The following PRKD2 variants were observed in gnomAD, a reference collection of about 807,000 sequenced individuals.
PRKD2 encodes the protein serine/threonine-protein kinase D2.
In PRKD2, 22 loss-of-function variants were observed where a neutral mutation model predicts 86.0. That is an observed-to-expected ratio of 0.26 (90% confidence interval 0.18 to 0.37). The LOEUF (loss-of-function observed/expected upper bound fraction) is 0.37, where lower values mean the gene tolerates loss of function less well. PRKD2 is among the 10% of genes least tolerant of loss of function. The pLI, the probability that PRKD2 is intolerant of heterozygous loss-of-function variation, is 1.00. For synonymous variants in PRKD2, 509 were observed against 510.9 expected, an observed-to-expected ratio of 1.00 and a Z score of 0.05; for missense variants, 818 against 1,199.2, an observed-to-expected ratio of 0.68 and a Z score of 4.70.
intron 3 of PRKD2, among the ~76,000 whole-genome samples, chr19:46,709,890 T>G (rs1435107784): frequency 6.6e-6 from 1 of 152,068 alleles, no homozygotes; most frequent in African/African-American, 2.4e-5. Context: ...CTTTTTCTTT[T>G]TATTGTTTTG....
At chr19:46,713,617 AT>A (rs199550369) in intron 2 of PRKD2, among the ~76,000 whole-genome samples, 53 of 141,748 alleles carry the variant, frequency 3.7e-4, no homozygotes, top group South Asian at 6.7e-4. Flanking sequence ...AACTCTCCTT[AT>A]TTTTTTTTTT....
chr19:46,675,131 G>A lies in PRKD2; in HGVS notation c.2339-13C>T, dbSNP rs750260999. 4.4e-6 allele frequency: 7 copies of A among 1,604,386 alleles called. No homozygotes were observed. The highest frequency in any genetic ancestry group is 1.3e-5 in the African/African-American group (1 of 74,830). ...ATGAGGTCAATGGCTGCACAGGAAA[G>A]AGAAACAGGTCAAGCCCTACAGGTC... On this transcript the variant is annotated splice_polypyrimidine_tract_variant and intron_variant, in intron 16 of 17. Coordinates refer to ENST00000291281, the MANE Select transcript of PRKD2 (RefSeq NM_016457.5).
At chr19:46,689,807 G>T in intron 13 of PRKD2, 109 bp from the exon 14 acceptor site, 1 of 1,317,722 alleles carries the variant, frequency 7.6e-7, no homozygotes, top group South Asian at 1.4e-5. Flanking sequence ...ATGTCCCTGG[G>T]GTATTGGCAC....
intron 16 of PRKD2, chr19:46,677,044 G>A (rs1294436249): frequency 6.6e-5 from 9 of 137,010 alleles, no homozygotes; most frequent in Non-Finnish European, 1.4e-4. Context: ...GTGGGTGAAA[G>A]AGCGAGACCC....
At chr19:46,708,578 T>A (rs947940511) in intron 3 of PRKD2, among the ~76,000 whole-genome samples, 19 of 152,030 alleles carry the variant, frequency 1.2e-4, no homozygotes, top group African/African-American at 4.6e-4. Flanking sequence ...CCCAAAGTGC[T>A]GGGATTATAG....
rs753891237 is a variant in PRKD2, at chr19:46,678,442, G to C, written c.2292C>G (p.Ala764=). 4.3e-6 allele frequency: 7 copies of C among 1,614,052 alleles called. No homozygotes were observed. The highest frequency in any genetic ancestry group is 3.4e-6 in the Non-Finnish European group (4 of 1,180,048). Residue 764 remains alanine (A), a synonymous_variant, in exon 16 of 18, where the codon GCC becomes GCG. Coordinates refer to ENST00000291281, the MANE Select transcript of PRKD2 (RefSeq NM_016457.5). The surrounding 1 kb of genome is among the most constrained non-coding windows in gnomAD (Gnocchi z 5.7). ...DEDINDQIQN[A]AFMYPASPWS... ...AGGGGCTGGCCGGGTACATGAAGGC[G>C]GCGTTCTGGATCTGGTCATTGATGT...
rs1308528731 is a variant in PRKD2 at position 46,674,652 on chromosome 19, G to A, written c.2508C>T (p.Arg836=). Reference sequence around the variant, plus strand: ...GATGCTCTGCTGCAAACTGCTCCCAGCGCGCGTCGTCACTCTCATGCGTGA... The same window carrying A: ...GATGCTCTGCTGCAAACTGCTCCCAACGCGCGTCGTCACTCTCATGCGTGA... The part of the protein sequence containing the change: ...RYITHESDDA[R]WEQFAAEHPL... Residue 836 remains arginine, a synonymous_variant, in exon 18 of 18, where the codon CGC becomes CGT. Coordinates refer to ENST00000291281, the MANE Select transcript of PRKD2 (RefSeq NM_016457.5). 3.1e-6 allele frequency: 5 copies of A among 1,607,100 alleles called. No individual in the cohort carries two copies. Among genetic ancestry groups the A allele is most frequent in the Non-Finnish European group, 4.2e-6 (5 of 1,179,920 alleles).
rs758661830 is a variant in PRKD2 at position 46,674,725 on chromosome 19, G to A, written c.2435C>T (p.Thr812Met). The change falls in exon 18 of 18, where the codon ACG (threonine) becomes ATG (methionine). Residue 812 changes from threonine to methionine, a missense_variant. Transcript: ENST00000291281. ...CTCCAGCTCTCGGAGGTCCAGCCAC[G>A]TCTGGTACTCCTGGGCCCGAGAGAA... ...LSHPWLQEYQ[T>M]WLDLRELEGK... The A allele has an allele frequency of 4.4e-6, 7 of 1,604,314 alleles. No individual in the cohort carries two copies. The South Asian group carries it at 5.5e-5, about 13-fold the overall frequency.
Position 46,697,294 on chromosome 19 carries a change from C to G in PRKD2, c.1240-60G>C, listed in dbSNP as rs537119363. On this transcript the variant is annotated intron_variant, in intron 8 of 17. Coordinates refer to ENST00000291281, the MANE Select transcript of PRKD2 (RefSeq NM_016457.5). Reference sequence around the variant, plus strand: ...AGACTTTCCTGCCCAGTCCCTATCCCGTGGAGCTGCTTGGGGCTCCAGGTG... The same window carrying G: ...AGACTTTCCTGCCCAGTCCCTATCCGGTGGAGCTGCTTGGGGCTCCAGGTG... The G allele has an allele frequency of 6.5e-5, 86 of 1,322,148 alleles. 1 individual carries two copies. 81.9% of individuals were successfully genotyped at this position (1,322,148 alleles called of 1,614,324 possible).
At chr19:46,705,404 A>G (rs1282965603) in intron 3 of PRKD2, among the ~76,000 whole-genome samples, 1 of 150,210 alleles carries the variant, frequency 6.7e-6, no homozygotes, top group Non-Finnish European at 1.5e-5. Context: ...TAAGGTCACT[A>G]TCCCTCCAGG....
Position 46,697,153 on chromosome 19 carries a change from T to G in PRKD2, c.1317+4A>C. On this transcript the variant is annotated splice_donor_region_variant and intron_variant, in intron 9 of 17. Coordinates refer to ENST00000291281, the MANE Select transcript of PRKD2 (RefSeq NM_016457.5). ...CCGAGGGAGCTGAAAGCCCGGAGGCTTACCTTATAGTATCTGTTGGTCGTG... is the reference window on the plus strand; with the variant it reads ...CCGAGGGAGCTGAAAGCCCGGAGGCGTACCTTATAGTATCTGTTGGTCGTG... 6.4e-7 allele frequency: 1 copy of G among 1,570,036 alleles called. No individual in the cohort carries two copies. The highest frequency in any genetic ancestry group is 8.8e-7 in the Non-Finnish European group (1 of 1,139,994).
Position 46,690,627 on chromosome 19 carries a change from C to T in PRKD2, c.1782G>A (p.Gln594=), listed in dbSNP as rs777087911. The part of the protein sequence containing the change: ...KLRFPTKQES[Q]LRNEVAILQS... The stretch of plus-strand genomic sequence containing the variant: ...GCAGAATGGCCACTTCATTCCGGAG[C>T]TGGCTCTCCTGCTTGGTAGGGAAGC... The change falls in exon 13 of 18, where the codon CAG becomes CAA. Residue 594 remains glutamine (Q), a synonymous_variant. Transcript: ENST00000291281. The T allele has an allele frequency of 4.3e-6, 7 of 1,614,098 alleles. No homozygotes were observed. The highest frequency in any genetic ancestry group is 5.1e-6 in the Non-Finnish European group (6 of 1,180,038).
intron 3 of PRKD2, among the ~76,000 whole-genome samples, chr19:46,708,852 G>C (rs570373401): frequency 6.6e-6 from 1 of 152,282 alleles, no homozygotes; most frequent in African/African-American, 2.4e-5. Flanking sequence ...ACTAAGACAG[G>C]TGCCAGGTTG....
chr19:46,704,009 T>G (rs2053674607), intron 5 of PRKD2, among the ~76,000 whole-genome samples, 160 bp downstream of exon 5: 1 of 111,482 alleles, frequency 9.0e-6, no homozygotes, highest in African/African-American at 3.1e-5. Flanking sequence ...GGTTCTAAGA[T>G]TCCAGAATTC....
At chr19:46,703,958 A>ACACACACACACAC (rs1555830818) in intron 5 of PRKD2, among the ~76,000 whole-genome samples, 8 of 133,656 alleles carry the variant, frequency 6.0e-5, no homozygotes, top group African/African-American at 1.5e-4. Context: ...AAACAACAAC[A>ACACACACACACAC]ACACACACAC....
Position 46,693,419 on chromosome 19 carries a change from C to G in PRKD2, c.1576+456G>C, listed in dbSNP as rs546595728. On this transcript the variant is annotated intron_variant, in intron 10 of 17. Coordinates refer to ENST00000291281, the MANE Select transcript of PRKD2 (RefSeq NM_016457.5). The surrounding 1 kb of genome is among the most constrained non-coding windows in gnomAD (Gnocchi z 4.5). ...GCCACATATCAGGCCAGGAGCTTAA[C>G]AGAGATTTGTTGTGGATTTTTGTTG... Among the ~76,000 whole-genome samples the G allele has an allele frequency of 9.2e-5, 14 of 152,108 alleles. No individual in the cohort carries two copies. The highest frequency in any genetic ancestry group is 2.1e-4 in the Non-Finnish European group (14 of 68,028).
intron 7 of PRKD2, among the ~76,000 whole-genome samples, chr19:46,699,918 TAA>T (rs56355930): frequency 8.6e-4 from 92 of 107,250 alleles, no homozygotes; most frequent in Admixed American, 1.4e-3. Context: ...CCCCCTATCT[TAA>T]AAAAAAAAAA....
rs1325306605 is a variant in PRKD2 at position 46,674,503 on chromosome 19, C to G, written c.*20G>C. On this transcript the variant is annotated 3_prime_UTR_variant, in exon 18 of 18. Transcript: ENST00000291281. ...GAAGAACCGCTGTGGAGGGCAGCAG[C>G]TGGACGAGGGCACAGGACCTCAGAG... 1 of 1,600,410 alleles carries G rather than the reference C, an allele frequency of 6.2e-7. No individual in the cohort carries two copies. The highest frequency in any genetic ancestry group is 1.7e-5 in the Admixed American group (1 of 59,008).
chr19:46,688,829 G>A (rs989822241), intron 14 of PRKD2: 1 of 152,098 alleles, frequency 6.6e-6, no homozygotes, highest in African/African-American at 2.4e-5. Context: ...GCCCAGGCTG[G>A]AGTGCAATGC....
Sources: allele counts gnomAD v4.1 joint callset (sites outside exome capture counted in the v4.1 genomes callset), GRCh38; gene constraint gnomAD v4.1.1; non-coding constraint Gnocchi (gnomAD v3.1); transcripts MANE v1.5; gene names NCBI Gene and HGNC (gene_info 2026-07-23, HGNC 2026-07-21).